Variants in SETD3 observed in about 807,000 individuals in gnomAD.
SETD3 encodes actin-histidine N-methyltransferase.
A neutral mutation model predicts 63.0 loss-of-function variants in SETD3; 19 were observed. The ratio of observed to expected loss-of-function variants is 0.30; its 90% confidence interval spans 0.21 to 0.44. The LOEUF (loss-of-function observed/expected upper bound fraction) is 0.44, where lower values mean the gene tolerates loss of function less well. Among genes scored for constraint, SETD3 ranks in the 20% least tolerant of loss-of-function variants. The pLI is 1.00. For missense variants in SETD3, 587 were observed against 728.5 expected, an observed-to-expected ratio of 0.81 and a Z score of 2.24; for synonymous variants, 286 against 264.1, an observed-to-expected ratio of 1.08 and a Z score of -0.80.
chr14:99,415,861 A>C (rs1892264087), intron 6 of SETD3, among the ~76,000 whole-genome samples: 1 of 152,240 alleles, frequency 6.6e-6, no homozygotes, highest in Non-Finnish European at 1.5e-5. Context: ...AGCTCTCATT[A>C]CTGTGACACT....
chr14:99,413,194 TA>T, intron 7 of SETD3, 129 bp from the exon 8 acceptor site: 1 of 618,662 alleles, frequency 1.6e-6, no homozygotes, highest in Non-Finnish European at 2.9e-6. Flanking sequence ...GTAACAAAGG[TA>T]ATGTTTGGCC....
chr14:99,475,023 T>C (rs1895899567), intron 1 of SETD3, among the ~76,000 whole-genome samples: 1 of 152,186 alleles, frequency 6.6e-6, no homozygotes. Context: ...TCCTATTTAA[T>C]GGAAGTTACC....
chr14:99,411,784 T>C (rs1892006513), intron 8 of SETD3: 1 of 152,204 alleles, frequency 6.6e-6, no homozygotes, highest in Non-Finnish European at 1.5e-5. Flanking sequence ...TTATAAAACA[T>C]GCTATTATGT....
rs374351432 is a variant in SETD3 at position 99,440,870 on chromosome 14, G to A, written c.675+17409C>T. On this transcript the variant is annotated intron_variant, in intron 6 of 12. Transcript: ENST00000331768. ...AATACAATAGCCCAAGAGAACACAA[G>A]CCAGTTATCTGAAGAGATGCTCGAT... 4.6e-5 allele frequency among the ~76,000 whole-genome samples: 7 copies of A among 151,202 alleles called. No homozygotes were observed. The East Asian group carries it at 1.4e-3, about 29-fold the overall frequency.
upstream of SETD3, among the ~76,000 whole-genome samples, chr14:99,484,356 AC>A (rs1199904694): frequency 2.0e-5 from 3 of 152,048 alleles, no homozygotes; most frequent in East Asian, 5.8e-4. Context: ...GTTAGTTACC[AC>A]CCCCCTCCCA....
intron 1 of SETD3, among the ~76,000 whole-genome samples, chr14:99,478,140 T>C (rs1166013125): frequency 6.6e-6 from 1 of 151,790 alleles, no homozygotes; most frequent in Non-Finnish European, 1.5e-5. Context: ...GGCCCAAAAA[T>C]AAGGGTAGGT....
At chr14:99,431,579 C>T (rs191946649) in intron 6 of SETD3, among the ~76,000 whole-genome samples, 24 of 152,150 alleles carry the variant, frequency 1.6e-4, no homozygotes, top group African/African-American at 5.5e-4. Context: ...GCAACCTCCA[C>T]TTCCCGGGTT....
chr14:99,413,395 G>A, intron 7 of SETD3: 1 of 295,324 alleles, frequency 3.4e-6, no homozygotes, highest in East Asian at 7.2e-5. Context: ...ACCCTCTTTT[G>A]CCCAAATGCT....
rs1314859876 is a variant in SETD3 at position 99,431,632 on chromosome 14, A to G, written c.676-17698T>C. 2.0e-5 allele frequency among the ~76,000 whole-genome samples: 3 copies of G among 152,064 alleles called. No individual in the cohort carries two copies. In the East Asian group the frequency reaches 5.8e-4, roughly 29 times the overall value. On this transcript the variant is annotated intron_variant, in intron 6 of 12. Transcript: ENST00000331768. ...TCAGCTCCTGAGTAGGTGGGATTAC[A>G]GGTGCATGCCACCACGCCCAGCCAA...
At chr14:99,462,114 T>C (rs1338570498) in intron 3 of SETD3, among the ~76,000 whole-genome samples, 2 of 152,078 alleles carry the variant, frequency 1.3e-5, no homozygotes, top group East Asian at 3.9e-4. Context: ...TAAAAACAAA[T>C]ACAAAAACAA....
intron 1 of SETD3, 32 bp from the exon 2 acceptor site, chr14:99,465,845 T>C (rs1251431217): frequency 4.0e-5 from 59 of 1,457,970 alleles, no homozygotes; most frequent in Non-Finnish European, 5.6e-5. Context: ...GAGAAAAAAA[T>C]TACATTACCA....
chr14:99,406,670 A>T (rs1227962000), intron 8 of SETD3, 80 bp from the exon 9 acceptor site: 7 of 1,415,568 alleles, frequency 4.9e-6, no homozygotes, highest in East Asian at 2.3e-5. Context: ...TGTTTCTGGC[A>T]ATCAGAGGAA....
chr14:99,458,774 CAAAAAAAAAA>C (rs5810953), intron 5 of SETD3, among the ~76,000 whole-genome samples: 2 of 89,548 alleles, frequency 2.2e-5, no homozygotes, highest in African/African-American at 9.1e-5. Flanking sequence ...CCCATCACTA[CAAAAAAAAAA>C]AAAAAAAAAA....
chr14:99,419,153 C>T (rs1892439794), intron 6 of SETD3, among the ~76,000 whole-genome samples: 1 of 152,012 alleles, frequency 6.6e-6, no homozygotes, highest in Non-Finnish European at 1.5e-5. Context: ...AGATTATATC[C>T]AACTCTTCAG....
intron 6 of SETD3, among the ~76,000 whole-genome samples, chr14:99,434,395 T>A (rs759752746): frequency 2.6e-5 from 4 of 151,372 alleles, no homozygotes; most frequent in African/African-American, 9.7e-5. Context: ...CTGACATGGG[T>A]GGGGCACTGA....
chr14:99,485,803 G>A (rs930009972), upstream of SETD3, among the ~76,000 whole-genome samples: 20 of 152,124 alleles, frequency 1.3e-4, no homozygotes, highest in African/African-American at 4.1e-4. Context: ...GGAGGTTGCA[G>A]TGAGCACCAC....
intron 1 of SETD3, among the ~76,000 whole-genome samples, chr14:99,475,569 C>G (rs1895932480): frequency 6.6e-6 from 1 of 152,210 alleles, no homozygotes; most frequent in South Asian, 2.1e-4. Context: ...TGTGTCTCCC[C>G]AAAGTTTTGT....
intron 6 of SETD3, among the ~76,000 whole-genome samples, chr14:99,422,582 G>T (rs1826557855): frequency 6.6e-6 from 1 of 152,104 alleles, no homozygotes; most frequent in Admixed American, 6.5e-5. Context: ...TTCTAACAAA[G>T]ACAAGCCAAA....
At chr14:99,448,021 T>G (rs1043624203) in intron 6 of SETD3, among the ~76,000 whole-genome samples, 2 of 152,176 alleles carry the variant, frequency 1.3e-5, no homozygotes, top group African/African-American at 4.8e-5. Context: ...GCTCTGCCCT[T>G]AAAACTAGAC....
Sources: gnomAD v4.1 joint callset for allele counts (sites outside exome capture counted in the v4.1 genomes callset) on GRCh38, gnomAD v4.1.1 for gene constraint, MANE v1.5 for transcripts, NCBI Gene and HGNC (gene_info 2026-07-23, HGNC 2026-07-21) for gene names.